Variants in KLHL7 observed in about 807,000 individuals in gnomAD.
The protein encoded by KLHL7 is kelch like family member 7, also known as kelch-like protein 7.
In KLHL7, 44 loss-of-function variants were observed where a neutral mutation model predicts 67.4. That is an observed-to-expected ratio of 0.65 (90% CI 0.51 to 0.84). The LOEUF is 0.84. Ranked by LOEUF, KLHL7 falls within the 40% of genes least tolerant of loss-of-function variation. The pLI is 0.00. For synonymous variants in KLHL7, 252 were observed against 243.3 expected (o/e 1.04, Z -0.33); for missense variants, 362 against 718.1 (o/e 0.50, Z 5.67).
chr7:23,116,680 A>C (rs2128457976), intron 1 of KLHL7, among the ~76,000 whole-genome samples: 1 of 152,338 alleles, frequency 6.6e-6, no homozygotes, highest in Non-Finnish European at 1.5e-5. Flanking sequence ...ATGTGTTCAG[A>C]ATTAGCTCAG....
intron 6 of KLHL7, among the ~76,000 whole-genome samples, chr7:23,146,667 T>TTCTTCTTC (rs61573730): frequency 0.096 from 6,899 of 71,516 alleles, 461 homozygotes; most frequent in African/African-American, 0.26. Context: ...CTTCTTCTTC[T>TTCTTCTTC]TTTTTTTTTA....
intron 7 of KLHL7, among the ~76,000 whole-genome samples, chr7:23,159,047 GC>G (rs1583719408): frequency 6.6e-6 from 1 of 152,148 alleles, no homozygotes; most frequent in African/African-American, 2.4e-5. Context: ...TTTCATAAAA[GC>G]CCCCAAAAGT....
At chr7:23,142,973 T>G (rs1176812826) in intron 5 of KLHL7, among the ~76,000 whole-genome samples, 1 of 152,202 alleles carries the variant, frequency 6.6e-6, no homozygotes, top group African/African-American at 2.4e-5. Context: ...ATGCAACACC[T>G]TAACAACTGG....
At position 23,174,580 on chromosome 7, in the gene KLHL7, A is replaced by T. The variant is rs1384040871; in HGVS notation, c.*282A>T. 4 of 543,586 alleles carry T rather than the reference A, an allele frequency of 7.4e-6. No individual in the cohort carries two copies. The highest frequency in any genetic ancestry group is 1.4e-5 in the Non-Finnish European group (4 of 285,768). The allele number at this position is 543,586 out of a possible 1,614,324, so 33.7% of individuals were successfully genotyped here. Reference sequence around the variant, plus strand: ...TTCTTGAATGAATTTCACATTTGTAACTATGATTTTGGCAGAATAGAAGAT... The same window carrying T: ...TTCTTGAATGAATTTCACATTTGTATCTATGATTTTGGCAGAATAGAAGAT... On this transcript the variant is annotated 3_prime_UTR_variant, in exon 11 of 11. Transcript: ENST00000339077.
intron 7 of KLHL7, among the ~76,000 whole-genome samples, chr7:23,159,936 CCTT>C (rs961349187): frequency 4.6e-5 from 7 of 152,032 alleles, no homozygotes; most frequent in African/African-American, 1.7e-4. Flanking sequence ...TCTTTGCTCT[CCTT>C]CACTCCTCTG....
chr7:23,119,712 A>G (rs997553491), intron 1 of KLHL7, among the ~76,000 whole-genome samples: 1 of 152,170 alleles, frequency 6.6e-6, no homozygotes, highest in Admixed American at 6.5e-5. Context: ...TTGCCACTTA[A>G]TGAAGATCCC....
At chr7:23,135,850 A>G (rs1219225955) in intron 4 of KLHL7, among the ~76,000 whole-genome samples, 1 of 152,214 alleles carries the variant, frequency 6.6e-6, no homozygotes, top group Non-Finnish European at 1.5e-5. Context: ...AGTATAGTAT[A>G]TTACAAAAAA....
intron 7 of KLHL7, among the ~76,000 whole-genome samples, chr7:23,161,610 C>T (rs893332282): frequency 1.2e-4 from 18 of 152,148 alleles, no homozygotes; most frequent in African/African-American, 2.7e-4. Flanking sequence ...CAGGAACTGC[C>T]GGCTGGTTGG....
Position 23,172,167 on chromosome 7 carries a change from C to T in KLHL7, c.1380-781C>T, listed in dbSNP as rs79578863. 3,947 of 456,410 alleles carry T rather than the reference C, an allele frequency of 8.6e-3. 79 individuals carry two copies. Among genetic ancestry groups the T allele is most frequent in the African/African-American group, 0.055 (2,771 of 50,136 alleles). 28.3% of individuals were successfully genotyped at this position (456,410 alleles called of 1,614,324 possible). A position where few individuals can be genotyped will look rare whatever the true frequency, so the allele number is the denominator to read the frequency against. On this transcript the variant is annotated intron_variant, in intron 9 of 10. Transcript: ENST00000339077. ...AGCCTGTGTGCCAGTACCACCTTCA[C>T]AATCACAAATGTCAGTCTTGGGAGT...
At position 23,105,838 on chromosome 7, in the gene KLHL7, T is replaced by C. The variant is rs1782608536; in HGVS notation, c.-189T>C. On this transcript the variant is annotated 5_prime_UTR_variant, in exon 1 of 11. Coordinates refer to ENST00000339077, the MANE Select transcript of KLHL7 (RefSeq NM_001031710.3). ...GGTAGCGTCGCTCCCTGAGCGTTTC[T>C]AAGGGGGCCGCCCGGCCTTGTCTTT... is the stretch of plus-strand genomic sequence containing the variant. 4.7e-6 allele frequency: 4 copies of C among 849,324 alleles called. No homozygotes were observed. The highest frequency in any genetic ancestry group is 3.4e-4 in the Middle Eastern group (1 of 2,910). 52.6% of individuals were successfully genotyped at this position (849,324 alleles called of 1,614,324 possible).
At chr7:23,165,659 T>G in intron 7 of KLHL7, 39 bp from the exon 8 acceptor site, 2 of 1,611,012 alleles carry the variant, frequency 1.2e-6, no homozygotes, top group Admixed American at 1.7e-5. Context: ...AGTTATATTT[T>G]TTTCCTTACT....
At chr7:23,140,545 A>G in intron 4 of KLHL7, 1 of 540,508 alleles carries the variant, frequency 1.9e-6, no homozygotes, top group South Asian at 1.8e-5. Flanking sequence ...CGATGGAGCG[A>G]GACTCCGTCT....
intron 1 of KLHL7, chr7:23,117,826 G>A (rs1238026653): frequency 6.2e-7 from 1 of 1,602,708 alleles, no homozygotes; most frequent in African/African-American, 1.3e-5. Context: ...TTCCCTTTAT[G>A]TTTTCAGTGA....
chr7:23,126,629 C>T (rs1310634668), intron 4 of KLHL7, among the ~76,000 whole-genome samples: 1 of 152,150 alleles, frequency 6.6e-6, no homozygotes, highest in Non-Finnish European at 1.5e-5. Flanking sequence ...TCCTCTGTCC[C>T]TACTTTTTGT....
intron 6 of KLHL7, among the ~76,000 whole-genome samples, chr7:23,150,988 T>G (rs1236472207): frequency 6.6e-6 from 1 of 152,008 alleles, no homozygotes; most frequent in African/African-American, 2.4e-5. Context: ...AATAGTATTT[T>G]TTATTATTTA....
intron 5 of KLHL7, among the ~76,000 whole-genome samples, chr7:23,142,873 C>G (rs1784234353): frequency 6.6e-6 from 1 of 151,958 alleles, no homozygotes; most frequent in Admixed American, 6.6e-5. Flanking sequence ...AAAAATAACA[C>G]TAGATAAAAA....
chr7:23,148,468 G>C (rs1436038087), intron 6 of KLHL7, among the ~76,000 whole-genome samples: 3 of 151,058 alleles, frequency 2.0e-5, no homozygotes, highest in Non-Finnish European at 4.4e-5. Context: ...CATGGTATAA[G>C]AGAGTGTTTA....
At chr7:23,115,022 T>C (rs906673149) in intron 1 of KLHL7, among the ~76,000 whole-genome samples, 2 of 152,232 alleles carry the variant, frequency 1.3e-5, no homozygotes, top group African/African-American at 4.8e-5. Flanking sequence ...TGGTTTCTTA[T>C]ACTGTTCAGT....
chr7:23,148,214 A>T (rs1784419213), intron 6 of KLHL7, among the ~76,000 whole-genome samples: 1 of 152,204 alleles, frequency 6.6e-6, no homozygotes, highest in South Asian at 2.1e-4. Flanking sequence ...TTTTACATGG[A>T]TATCTAATAA....
Sources: allele counts gnomAD v4.1 joint callset (sites outside exome capture counted in the v4.1 genomes callset), GRCh38; gene constraint gnomAD v4.1.1; transcripts MANE v1.5; gene names NCBI Gene and HGNC (gene_info 2026-07-23, HGNC 2026-07-21).